The following IFT172 variants were observed in gnomAD, a reference collection of about 807,000 sequenced individuals.
IFT172 encodes intraflagellar transport 172.
IFT172 carries 164 observed loss-of-function variants against 248.9 expected under a neutral mutation model. The observed-to-expected ratio is 0.66, with a 90% CI of 0.58 to 0.75. IFT172 has a LOEUF of 0.75. IFT172 is among the 30% of genes least tolerant of loss of function. The probability of loss-of-function intolerance (pLI) is 0.00; values close to 1 mark genes in which losing one functional copy is unlikely to be tolerated. For missense variants in IFT172, 1,950 were observed against 2,192.4 expected (o/e 0.89, Z 2.21); for synonymous variants, 729 against 791.6 (o/e 0.92, Z 1.33).
chr2:27,485,264 A>T, intron 2 of IFT172, 96 bp downstream of exon 2: 1 of 1,577,274 alleles, frequency 6.3e-7, no homozygotes, highest in Non-Finnish European at 8.6e-7. Context: ...GGGGTATGCC[A>T]TTTCCTATGC....
Position 27,454,896 on chromosome 2 carries a change from C to T in IFT172, c.3372-236G>A, listed in dbSNP as rs79740025. ...AGACGTCTGGAAAAGCCTATGCCTT[C>T]CCTGAGGCCAGCTGCTCCTGAGGAA... On this transcript the variant is annotated intron_variant, in intron 30 of 47. Coordinates refer to ENST00000260570, the MANE Select transcript of IFT172 (RefSeq NM_015662.3). The surrounding 1 kb of genome is among the most constrained non-coding windows in gnomAD (Gnocchi z 4.2). Among the ~76,000 whole-genome samples, 17,384 of 152,166 alleles carry T rather than the reference C, an allele frequency of 0.11. 1,390 individuals are homozygous for T. The highest frequency in any genetic ancestry group is 0.17 in the Non-Finnish European group (11,782 of 67,972).
chr2:27,457,511 G>T, intron 29 of IFT172, 128 bp downstream of exon 29: 1 of 761,114 alleles, frequency 1.3e-6, no homozygotes, highest in Non-Finnish European at 2.2e-6. Flanking sequence ...GGAGGTCAAG[G>T]CTGCAGTGAG....
chr2:27,461,554 C>T, intron 21 of IFT172, 37 bp from the exon 22 acceptor site: 1 of 1,604,556 alleles, frequency 6.2e-7, no homozygotes, highest in Non-Finnish European at 8.5e-7. Context: ...AGTCACATCC[C>T]CCTTCCTACC....
chr2:27,455,897 C>T (rs566569880), intron 30 of IFT172: 8 of 360,424 alleles, frequency 2.2e-5, no homozygotes, highest in Middle Eastern at 2.2e-3. Flanking sequence ...AAATGCTTCA[C>T]GGACTCTGGT....
intron 14 of IFT172, 152 bp from the exon 15 acceptor site, chr2:27,472,514 C>A (rs1327466789): frequency 6.4e-6 from 4 of 627,200 alleles, no homozygotes; most frequent in Non-Finnish European, 1.1e-5. Flanking sequence ...CTCAAAAGGT[C>A]CAGACCCACA....
chr2:27,461,123 C>A, intron 22 of IFT172, 30 bp from the exon 23 acceptor site: 1 of 1,614,086 alleles, frequency 6.2e-7, no homozygotes, highest in Non-Finnish European at 8.5e-7. Context: ...TACTATGATA[C>A]CCCTACAACA....
intron 13 of IFT172, 70 bp downstream of exon 13, chr2:27,477,147 G>C (rs1178011134): frequency 7.5e-7 from 1 of 1,341,494 alleles, no homozygotes; most frequent in African/African-American, 1.4e-5. Flanking sequence ...TTAACTGGAG[G>C]ACACAGAATT....
chr2:27,450,792 T>C (rs1175441036), intron 35 of IFT172, among the ~76,000 whole-genome samples: 2 of 152,108 alleles, frequency 1.3e-5, no homozygotes, highest in Non-Finnish European at 2.9e-5. Flanking sequence ...GGTTTCACCA[T>C]GTTGGCCAGG....
chr2:27,481,990 T>C (rs954144759), intron 7 of IFT172, among the ~76,000 whole-genome samples: 2 of 150,034 alleles, frequency 1.3e-5, no homozygotes, highest in African/African-American at 4.9e-5. Flanking sequence ...AATTCTTCTT[T>C]TTTTTTTTTT....
At chr2:27,487,052 C>T (rs1375903635) in intron 1 of IFT172, among the ~76,000 whole-genome samples, 1 of 152,062 alleles carries the variant, frequency 6.6e-6, no homozygotes, top group Non-Finnish European at 1.5e-5. Context: ...AAGCGATTCT[C>T]CTGCCTCAGC....
rs1272468259 is a variant in IFT172, at chr2:27,454,167, CT to C, written c.3531-6del. The C allele has an allele frequency of 1.2e-6, 2 of 1,610,526 alleles. No homozygotes were observed. Among genetic ancestry groups the C allele is most frequent in the African/African-American group, 2.7e-5 (2 of 74,806 alleles). On this transcript the variant is annotated splice_polypyrimidine_tract_variant and splice_region_variant and intron_variant, in intron 32 of 47. Coordinates refer to ENST00000260570, the MANE Select transcript of IFT172 (RefSeq NM_015662.3). This position sits in a 1 kb window ranked among gnomAD's most constrained non-coding sequence, Gnocchi z 4.2. ...CAATCCTGGTTATGGACAAACCTGC[CT>C]CCAGGTGGGGACAGAGGAGAGACTG...
intron 6 of IFT172, 27 bp downstream of exon 6, chr2:27,483,553 C>G (rs1345146525): frequency 6.2e-7 from 1 of 1,608,776 alleles, no homozygotes; most frequent in Non-Finnish European, 8.5e-7. Context: ...CTTCCAGACT[C>G]TAGTGATACT....
Position 27,449,795 on chromosome 2 carries a change from T to G in IFT172, c.4056A>C (p.Ala1352=). The G allele has an allele frequency of 6.2e-7, 1 of 1,610,480 alleles. No homozygotes were observed. The highest frequency in any genetic ancestry group is 8.5e-7 in the Non-Finnish European group (1 of 1,177,378). ...LIGIGKHSAA[A]ELYLNLDLVK... is the part of the protein sequence containing the mutation. ...CAAGGTCCAGATTCAGATAGAGCTC[T>G]GCAGCCTGCACAGTGGGAAATCAGC... Residue 1352 remains alanine (A), a synonymous_variant, in exon 37 of 48, where the codon GCA becomes GCC. Coordinates refer to ENST00000260570, the MANE Select transcript of IFT172 (RefSeq NM_015662.3).
chr2:27,445,445 GCCT>G lies in IFT172; in HGVS notation c.4916_4918del (p.Glu1639del). ...CCAGTCTCGAACCTCTTCTCTCTCA[GCCT>G]CCTGGAAAGGACAAGAAGGGAGTGG... On this transcript the variant is annotated inframe_deletion and splice_region_variant, in exon 46 of 48. Coordinates refer to ENST00000260570, the MANE Select transcript of IFT172 (RefSeq NM_015662.3). The surrounding 1 kb of genome is among the most constrained non-coding windows in gnomAD (Gnocchi z 4.4). The G allele has an allele frequency of 1.9e-6, 3 of 1,610,246 alleles. No individual in the cohort carries two copies. The highest frequency in any genetic ancestry group is 2.5e-6 in the Non-Finnish European group (3 of 1,178,426).
At chr2:27,471,175 G>C in intron 15 of IFT172, 80 bp from the exon 16 acceptor site, 4 of 1,370,952 alleles carry the variant, frequency 2.9e-6, no homozygotes, top group Non-Finnish European at 4.1e-6. Context: ...TCCTAATGGT[G>C]AGATGTGGTG....
chr2:27,477,298 C>G lies in IFT172; in HGVS notation c.1244G>C (p.Gly415Ala). The G allele has an allele frequency of 6.2e-7, 1 of 1,614,088 alleles. No homozygotes were observed. Among genetic ancestry groups the G allele is most frequent in the South Asian group, 1.1e-5 (1 of 91,084 alleles). ...CCCATATTCCACCAGGGTTAGCTCTCCGGCATTGAAGATCATGCATACCTG... is the reference window on the plus strand; with the variant it reads ...CCCATATTCCACCAGGGTTAGCTCTGCGGCATTGAAGATCATGCATACCTG... ...NENVCMIFNA[G>A]ELTLVEYGNN... The change falls in exon 13 of 48, where the codon GGA becomes GCA. Residue 415 changes from glycine (G) to alanine (A), a missense_variant. Coordinates refer to ENST00000260570, the MANE Select transcript of IFT172 (RefSeq NM_015662.3).
chr2:27,485,358 A>G lies in IFT172; in HGVS notation c.183+2T>C, dbSNP rs778869027. 6.2e-7 allele frequency: 1 copy of G among 1,613,898 alleles called. No homozygotes were observed. On this transcript the variant is annotated splice_donor_variant, in intron 2 of 47. Transcript: ENST00000260570. LOFTEE classifies it high-confidence loss of function. Reference sequence around the variant, plus strand: ...TAAGGTACACATGAATACACTGTTTACCTTCATGTCAGCTGGTTTGGTGGA... The same window carrying G: ...TAAGGTACACATGAATACACTGTTTGCCTTCATGTCAGCTGGTTTGGTGGA...
Position 27,447,440 on chromosome 2 carries a change from G to GAA in IFT172, c.4659+74_4659+75insTT. ...GAGCCCAAGCTGAAGAATCCAGAAC[G>GAA]TGAATCAATTCAGCTTTATACATTT... On this transcript the variant is annotated intron_variant, in intron 42 of 47. Transcript: ENST00000260570. The GAA allele has an allele frequency of 9.7e-6, 15 of 1,552,512 alleles. 1 individual carries two copies. In the South Asian group the frequency reaches 1.8e-4, roughly 19 times the overall value.
At chr2:27,470,250 AAGAGAGAGAAAG>A (rs1385764784) in intron 16 of IFT172, among the ~76,000 whole-genome samples, 7 of 128,762 alleles carry the variant, frequency 5.4e-5, no homozygotes, top group Admixed American at 5.0e-4. Flanking sequence ...TCTCAGAAAG[AAGAGAGAGAAAG>A]AGAGAGAGAA....
Sources: allele counts gnomAD v4.1 joint callset (sites outside exome capture counted in the v4.1 genomes callset), GRCh38; gene constraint gnomAD v4.1.1; non-coding constraint Gnocchi (gnomAD v3.1); transcripts MANE v1.5; gene names NCBI Gene and HGNC (gene_info 2026-07-23, HGNC 2026-07-21).